Variants in ZMIZ1 observed in about 807,000 individuals in gnomAD.
ZMIZ1 encodes zinc finger MIZ domain-containing protein 1.
Under a neutral mutation model 113.9 loss-of-function variants are expected in ZMIZ1, and 17 were observed. The observed-to-expected ratio is 0.15, with a 90% CI of 0.10 to 0.22. The LOEUF is 0.22. Ranked by LOEUF, ZMIZ1 falls within the 10% of genes least tolerant of loss-of-function variation. ZMIZ1 has a pLI of 1.00. For missense variants in ZMIZ1, 1,059 were observed against 1,477.8 expected (o/e 0.72, Z 4.65); for synonymous variants, 607 against 603.1 (o/e 1.01, Z -0.09).
chr10:79,270,145 C>T (rs1851861602), intron 7 of ZMIZ1, among the ~76,000 whole-genome samples: 1 of 152,234 alleles, frequency 6.6e-6, no homozygotes, highest in African/African-American at 2.4e-5. Context: ...GGACCAGCTG[C>T]CCCGGCATCC....
At chr10:79,236,412 A>G (rs915219010) in intron 7 of ZMIZ1, among the ~76,000 whole-genome samples, 5 of 152,160 alleles carry the variant, frequency 3.3e-5, no homozygotes, top group African/African-American at 1.2e-4. Flanking sequence ...TGTCAGTCCA[A>G]CCCTGGGGCC....
intron 9 of ZMIZ1, chr10:79,290,736 C>G: frequency 1.4e-6 from 1 of 699,002 alleles, no homozygotes; most frequent in Non-Finnish European, 2.6e-6. Flanking sequence ...CAGCTTGTTC[C>G]ATCACAAGGC....
In ZMIZ1 at chr10:79,293,511, C is replaced by T; in HGVS notation, c.1088C>T (p.Pro363Leu). The change falls in exon 12 of 25, where the codon CCT (proline) becomes CTT (leucine). Residue 363 changes from proline to leucine, a missense_variant. Coordinates refer to ENST00000334512, the MANE Select transcript of ZMIZ1 (RefSeq NM_020338.4). ...AGMTPSGMSG[P>L]PMGMNQPRPP... is the part of the protein sequence containing the mutation. ...ATGACGCCCTCGGGGATGAGCGGCC[C>T]TCCCATGGGCATGAACCAGCCCCGG... The T allele has an allele frequency of 6.2e-7, 1 of 1,600,458 alleles. No homozygotes were observed. Among genetic ancestry groups the T allele is most frequent in the Non-Finnish European group, 8.5e-7 (1 of 1,171,122 alleles).
At position 79,293,458 on chromosome 10, in the gene ZMIZ1, C is replaced by T. The variant is rs900464208; in HGVS notation, c.1035C>T (p.Ser345=). The T allele has an allele frequency of 1.9e-6, 3 of 1,557,200 alleles. No individual in the cohort carries two copies. The highest frequency in any genetic ancestry group is 2.6e-6 in the Non-Finnish European group (3 of 1,150,164). The change falls in exon 12 of 25, where the codon AGC becomes AGT. Residue 345 remains serine, a synonymous_variant. Coordinates refer to ENST00000334512, the MANE Select transcript of ZMIZ1 (RefSeq NM_020338.4). ...GPRGPASMGG[S]MNPASMAAGM... is the part of the protein sequence containing the mutation. ...GGGGGCCTGCCTCCATGGGGGGCAG[C>T]ATGAACCCCGCGAGCATGGCGGCTG...
At chr10:79,248,772 C>A (rs1044104928) in intron 7 of ZMIZ1, among the ~76,000 whole-genome samples, 2 of 152,186 alleles carry the variant, frequency 1.3e-5, no homozygotes, top group South Asian at 4.1e-4. Context: ...TTTGTGGAGT[C>A]TCTCCCTAGT....
chr10:79,229,528 T>C (rs1472189048), intron 7 of ZMIZ1, among the ~76,000 whole-genome samples: 1 of 152,190 alleles, frequency 6.6e-6, no homozygotes, highest in Non-Finnish European at 1.5e-5. Context: ...AGAGACACTA[T>C]TGTCTCTGCA....
At chr10:79,193,047 C>T (rs74142332) in intron 4 of ZMIZ1, among the ~76,000 whole-genome samples, 1,549 of 152,296 alleles carry the variant, frequency 0.01, 11 homozygotes, top group Middle Eastern at 0.031. Flanking sequence ...GCATCCAGCC[C>T]GTGTGCCTGG....
intron 1 of ZMIZ1, among the ~76,000 whole-genome samples, chr10:79,099,565 C>T (rs1843286096): frequency 6.6e-6 from 1 of 152,222 alleles, no homozygotes; most frequent in Non-Finnish European, 1.5e-5. Context: ...GGCCTCTGGG[C>T]CCAGGTCTGC....
At chr10:79,132,349 C>T (rs1341304243) in intron 2 of ZMIZ1, among the ~76,000 whole-genome samples, 1 of 83,326 alleles carries the variant, frequency 1.2e-5, no homozygotes. Flanking sequence ...TGATCACCAG[C>T]CTTTTCGGCC....
intron 17 of ZMIZ1, 37 bp from the exon 18 acceptor site, chr10:79,302,070 A>C: frequency 7.6e-6 from 12 of 1,575,412 alleles, no homozygotes; most frequent in South Asian, 2.2e-5. Context: ...GTGTGGGGAC[A>C]GTGCACAGGA....
At chr10:79,268,494 CTT>C (rs1478013795) in intron 7 of ZMIZ1, among the ~76,000 whole-genome samples, 28 of 152,362 alleles carry the variant, frequency 1.8e-4, no homozygotes, top group African/African-American at 6.0e-4. Flanking sequence ...TCTGTCCTTC[CTT>C]CCCAGTCGTC....
At chr10:79,134,268 C>T (rs1844897833) in intron 2 of ZMIZ1, among the ~76,000 whole-genome samples, 1 of 152,210 alleles carries the variant, frequency 6.6e-6, no homozygotes, top group African/African-American at 2.4e-5. Context: ...GGCTCACTCA[C>T]CGCTTCTGTA....
chr10:79,208,710 C>T (rs1848428368), intron 6 of ZMIZ1, among the ~76,000 whole-genome samples: 1 of 152,244 alleles, frequency 6.6e-6, no homozygotes, highest in Non-Finnish European at 1.5e-5. Context: ...ACGCAGTGTT[C>T]ACTTTGCAGG....
intron 7 of ZMIZ1, among the ~76,000 whole-genome samples, chr10:79,254,494 G>C (rs986966189): frequency 3.3e-5 from 5 of 152,246 alleles, no homozygotes; most frequent in African/African-American, 1.2e-4. Context: ...GCCGAGTGCT[G>C]CTCTTGCTCT....
intron 2 of ZMIZ1, among the ~76,000 whole-genome samples, chr10:79,121,923 A>C (rs1844308121): frequency 6.6e-6 from 1 of 152,182 alleles, no homozygotes; most frequent in African/African-American, 2.4e-5. Context: ...TGTACCCAAC[A>C]ATACCCATCA....
intron 7 of ZMIZ1, among the ~76,000 whole-genome samples, chr10:79,243,148 C>A (rs951658088): frequency 1.3e-5 from 2 of 151,468 alleles, no homozygotes; most frequent in Admixed American, 6.6e-5. Flanking sequence ...GGCCTGGCCT[C>A]CCCCGGAGCC....
At chr10:79,073,845 G>A (rs926363111) in intron 1 of ZMIZ1, among the ~76,000 whole-genome samples, 2 of 152,028 alleles carry the variant, frequency 1.3e-5, no homozygotes, top group Admixed American at 6.5e-5. Context: ...GGTCGGGCCC[G>A]GCATGGGTGC....
intron 8 of ZMIZ1, among the ~76,000 whole-genome samples, chr10:79,282,309 C>T (rs540332471): frequency 2.6e-5 from 4 of 152,258 alleles, no homozygotes; most frequent in Admixed American, 6.5e-5. Context: ...TTCATTAAGG[C>T]GACATTGAGC....
At chr10:79,190,564 T>C (rs1847556760) in intron 4 of ZMIZ1, among the ~76,000 whole-genome samples, 2 of 152,206 alleles carry the variant, frequency 1.3e-5, no homozygotes, top group African/African-American at 2.4e-5. Context: ...TTTTTGGTTT[T>C]TTAGAAATTA....
Sources: gnomAD v4.1 joint callset for allele counts (sites outside exome capture counted in the v4.1 genomes callset) on GRCh38, gnomAD v4.1.1 for gene constraint, MANE v1.5 for transcripts, NCBI Gene and HGNC (gene_info 2026-07-23, HGNC 2026-07-21) for gene names.